ANKRD44: variants seen among roughly 807,000 people sequenced by gnomAD.
The protein encoded by ANKRD44 is ankyrin repeat domain 44.
Under a neutral mutation model 116.0 loss-of-function variants are expected in ANKRD44, and 35 were observed. The ratio of observed to expected loss-of-function variants is 0.30; its 90% CI spans 0.23 to 0.40. The LOEUF is 0.40. Among genes scored for constraint, ANKRD44 ranks in the 10% least tolerant of loss-of-function variants. ANKRD44 has a pLI of 1.00. For synonymous variants in ANKRD44, 435 were observed against 461.8 expected, an observed-to-expected ratio of 0.94 and a Z score of 0.74; for missense variants, 1,014 against 1,242.6, an observed-to-expected ratio of 0.82 and a Z score of 2.77.
At chr2:197,038,836 A>G (rs2076855226) in intron 16 of ANKRD44, among the ~76,000 whole-genome samples, 4 of 152,262 alleles carry the variant, frequency 2.6e-5, no homozygotes, top group Admixed American at 2.6e-4. Flanking sequence ...TGCTAAAAAC[A>G]TAAGGAGTCA....
chr2:197,081,335 T>C (rs113124427), intron 15 of ANKRD44, among the ~76,000 whole-genome samples: 3,341 of 152,286 alleles, frequency 0.022, 55 homozygotes, highest in Middle Eastern at 0.054. Context: ...GGAGTCTTTG[T>C]TTGTCTTCCT....
chr2:197,126,672 C>A (rs1216565308), intron 4 of ANKRD44, among the ~76,000 whole-genome samples: 1 of 151,920 alleles, frequency 6.6e-6, no homozygotes, highest in East Asian at 1.9e-4. Context: ...CCTGGCTATG[C>A]AATGGAGTCA....
intron 1 of ANKRD44, among the ~76,000 whole-genome samples, chr2:197,243,306 A>T (rs2082127518): frequency 6.6e-6 from 1 of 152,176 alleles, no homozygotes; most frequent in Non-Finnish European, 1.5e-5. Flanking sequence ...GAAAGACTTT[A>T]AAAAAATAAA....
chr2:197,228,731 G>A (rs2712906), intron 1 of ANKRD44, among the ~76,000 whole-genome samples: 152,090 of 152,378 alleles, frequency 1, 75,902 homozygotes, highest in Middle Eastern at 1. Context: ...ACAAAGGATC[G>A]AAGTTATCTG....
Position 197,013,690 on chromosome 2 carries a change from G to A in ANKRD44, c.1745C>T (p.Ala582Val), listed in dbSNP as rs776570010. 6.2e-7 allele frequency: 1 copy of A among 1,613,018 alleles called. No homozygotes were observed. Among genetic ancestry groups the A allele is most frequent in the Non-Finnish European group, 8.5e-7 (1 of 1,180,048 alleles). Residue 582 changes from alanine to valine, a missense_variant, in exon 18 of 28, where the codon GCC (alanine) becomes GTC (valine). Ala to Val is a moderately conservative substitution (Grantham distance 64). Coordinates refer to ENST00000282272, the MANE Select transcript of ANKRD44 (RefSeq NM_001195144.2). Reference sequence around the variant, plus strand: ...CAACGACTGCAGAAGGACTTCCAAGGCTTGATGGTGCCCATTGTAGGCCTG... The same window carrying A: ...CAACGACTGCAGAAGGACTTCCAAGACTTGATGGTGCCCATTGTAGGCCTG... ...HLAAYNGHHQ[A>V]LEVLLQSLVD...
At chr2:196,990,687 G>C in intron 27 of ANKRD44, 1 of 1,232,132 alleles carries the variant, frequency 8.1e-7, no homozygotes, top group Non-Finnish European at 1.0e-6. Context: ...AAGTCAAAAC[G>C]TTTCCGAATC....
At chr2:197,003,811 A>T (rs991796939) in intron 21 of ANKRD44, among the ~76,000 whole-genome samples, 7 of 152,048 alleles carry the variant, frequency 4.6e-5, no homozygotes, top group Admixed American at 6.6e-5. Context: ...CTTGACCCAG[A>T]TGGGGGTCAC....
intron 2 of ANKRD44, among the ~76,000 whole-genome samples, chr2:197,186,647 T>C (rs928787844): frequency 2.2e-5 from 2 of 90,252 alleles, no homozygotes; most frequent in Non-Finnish European, 2.2e-5. Flanking sequence ...TTTTTTTTTT[T>C]AGAGACAGAG....
At chr2:197,208,244 G>A (rs1005951012) in intron 1 of ANKRD44, among the ~76,000 whole-genome samples, 5 of 152,078 alleles carry the variant, frequency 3.3e-5, no homozygotes, top group East Asian at 1.9e-4. Flanking sequence ...CAACCCCCAC[G>A]CGCCCCAATA....
chr2:197,015,835 G>A, intron 17 of ANKRD44: 1 of 511,734 alleles, frequency 2.0e-6, no homozygotes, highest in Non-Finnish European at 3.7e-6. Flanking sequence ...AGGAAACTTT[G>A]GTGGTGGTAC....
intron 1 of ANKRD44, among the ~76,000 whole-genome samples, chr2:197,256,664 C>T (rs1048267130): frequency 3.9e-5 from 6 of 152,132 alleles, no homozygotes; most frequent in Non-Finnish European, 7.4e-5. Flanking sequence ...CATGTATATA[C>T]AAATACATTA....
At chr2:196,997,434 T>C (rs922296739) in intron 25 of ANKRD44, among the ~76,000 whole-genome samples, 3 of 140,654 alleles carry the variant, frequency 2.1e-5, no homozygotes, top group Non-Finnish European at 4.5e-5. Context: ...TATATATATA[T>C]AATTTTATAT....
At position 196,988,223 on chromosome 2, in the gene ANKRD44, A is replaced by G. The variant is rs1403209859; in HGVS notation, c.*1368T>C. On this transcript the variant is annotated 3_prime_UTR_variant, in exon 28 of 28. Transcript: ENST00000282272. Reference sequence around the variant, plus strand: ...GCAAGCATTTCATTTCCTGCTTGAAATGCCAACTGAGCAAGATTTCCATTC... The same window carrying G: ...GCAAGCATTTCATTTCCTGCTTGAAGTGCCAACTGAGCAAGATTTCCATTC... The G allele has an allele frequency of 2.0e-6, 2 of 985,452 alleles. No individual in the cohort carries two copies. Among genetic ancestry groups the G allele is most frequent in the East Asian group, 2.3e-4 (2 of 8,818 alleles). 61.0% of individuals were successfully genotyped at this position (985,452 alleles called of 1,614,324 possible).
intron 1 of ANKRD44, among the ~76,000 whole-genome samples, chr2:197,247,962 T>C (rs1574354731): frequency 1.3e-5 from 2 of 152,256 alleles, no homozygotes; most frequent in South Asian, 2.1e-4. Flanking sequence ...AACAAGTGTG[T>C]GCAGCAACTA....
rs116195807 is a variant in ANKRD44, at chr2:197,262,472, G to A, written c.27+48106C>T. On this transcript the variant is annotated intron_variant, in intron 1 of 27. Transcript: ENST00000282272. ...AATTTTGACCTACCCCCTAGTGGGTGCCCTTTCTGAAGCCTTTTCTCATTT... is the reference window on the plus strand; with the variant it reads ...AATTTTGACCTACCCCCTAGTGGGTACCCTTTCTGAAGCCTTTTCTCATTT... 2.4e-3 allele frequency among the ~76,000 whole-genome samples: 370 copies of A among 152,302 alleles called. 1 individual carries two copies. The highest frequency in any genetic ancestry group is 8.2e-3 in the African/African-American group (342 of 41,572).
At chr2:197,150,832 C>T (rs1277104340) in intron 2 of ANKRD44, among the ~76,000 whole-genome samples, 1 of 152,094 alleles carries the variant, frequency 6.6e-6, no homozygotes, top group African/African-American at 2.4e-5. Flanking sequence ...AGGCAGAGAA[C>T]TAGAACTGCG....
chr2:197,072,609 A>G (rs1043408674), intron 16 of ANKRD44, among the ~76,000 whole-genome samples: 8 of 152,242 alleles, frequency 5.3e-5, no homozygotes, highest in Admixed American at 5.2e-4. Context: ...AGTCACTCAC[A>G]GTGTATTTCA....
chr2:197,087,389 T>C (rs1372550033), intron 12 of ANKRD44, among the ~76,000 whole-genome samples: 2 of 152,204 alleles, frequency 1.3e-5, no homozygotes, highest in Non-Finnish European at 2.9e-5. Context: ...CCCATCAAAG[T>C]GATTTTTCCT....
intron 16 of ANKRD44, 194 bp downstream of exon 16, chr2:197,078,509 C>G: frequency 1.4e-6 from 2 of 1,407,648 alleles, no homozygotes; most frequent in East Asian, 3.0e-5. Flanking sequence ...TGGTGGGGCT[C>G]TAACCTGCAA....
Sources: allele counts gnomAD v4.1 joint callset (sites outside exome capture counted in the v4.1 genomes callset), GRCh38; gene constraint gnomAD v4.1.1; transcripts MANE v1.5; gene names NCBI Gene and HGNC (gene_info 2026-07-23, HGNC 2026-07-21).